Variants in RAPGEF6 observed in about 807,000 individuals in gnomAD.
The protein encoded by RAPGEF6 is Rap guanine nucleotide exchange factor 6, also known as PDZ domain containing guanine nucleotide exchange factor (GEF) 2.
Under a neutral mutation model 171.4 loss-of-function variants are expected in RAPGEF6, and 56 were observed. The ratio of observed to expected loss-of-function variants is 0.33; its 90% CI spans 0.26 to 0.41. RAPGEF6 has a LOEUF of 0.41. Among genes scored for constraint, RAPGEF6 ranks in the 10% least tolerant of loss-of-function variants. The probability of loss-of-function intolerance (pLI) is 1.00; values close to 1 mark genes in which losing one functional copy is unlikely to be tolerated. For synonymous variants in RAPGEF6, 692 were observed against 650.1 expected, an observed-to-expected ratio of 1.06 and a Z score of -0.98; for missense variants, 1,674 against 1,921.4, an observed-to-expected ratio of 0.87 and a Z score of 2.41.
chr5:131,618,023 A>C (rs1414997912), intron 1 of RAPGEF6, among the ~76,000 whole-genome samples: 1 of 152,166 alleles, frequency 6.6e-6, no homozygotes, highest in Non-Finnish European at 1.5e-5. Context: ...ACTAAAGGGG[A>C]CTGAAGTTCT....
chr5:131,480,816 T>C (rs573380570), intron 15 of RAPGEF6, among the ~76,000 whole-genome samples: 54 of 151,812 alleles, frequency 3.6e-4, no homozygotes, highest in Middle Eastern at 3.4e-3. Context: ...ATATATCGAT[T>C]CCTCACGGTC....
At chr5:131,577,577 A>T (rs1300484031) in intron 4 of RAPGEF6, among the ~76,000 whole-genome samples, 1 of 152,172 alleles carries the variant, frequency 6.6e-6, no homozygotes, top group Non-Finnish European at 1.5e-5. Flanking sequence ...ATTCCCAGCC[A>T]TATGAAGACA....
intron 1 of RAPGEF6, among the ~76,000 whole-genome samples, chr5:131,629,499 C>A (rs1241837511): frequency 1.3e-5 from 2 of 149,544 alleles, no homozygotes; most frequent in Non-Finnish European, 3.0e-5. Flanking sequence ...CCTGGGCTGG[C>A]TCCCAGCACT....
intron 3 of RAPGEF6, among the ~76,000 whole-genome samples, chr5:131,594,985 T>A (rs1763809701): frequency 6.6e-6 from 1 of 152,208 alleles, no homozygotes. Flanking sequence ...GGACTTGGAC[T>A]TTTAAGTTAA....
chr5:131,453,032 T>G (rs1753215058), intron 21 of RAPGEF6, 22 bp downstream of exon 21: 1 of 1,603,352 alleles, frequency 6.2e-7, no homozygotes, highest in East Asian at 2.2e-5. Flanking sequence ...CTCTAACACT[T>G]TTACATATTT....
intron 21 of RAPGEF6, among the ~76,000 whole-genome samples, chr5:131,447,920 A>C (rs1752825782): frequency 6.6e-6 from 1 of 152,258 alleles, no homozygotes; most frequent in East Asian, 1.9e-4. Context: ...CAGAGACCTC[A>C]AAACTTGCAG....
chr5:131,470,407 T>C (rs966503151), intron 17 of RAPGEF6, among the ~76,000 whole-genome samples: 1 of 152,216 alleles, frequency 6.6e-6, no homozygotes, highest in Non-Finnish European at 1.5e-5. Context: ...AACTTAATAA[T>C]TTCAACCTCT....
intron 1 of RAPGEF6, among the ~76,000 whole-genome samples, chr5:131,633,230 G>A (rs1156759579): frequency 2.0e-5 from 3 of 152,102 alleles, no homozygotes; most frequent in African/African-American, 7.2e-5. Flanking sequence ...TACTCGGGAG[G>A]GTGAGGCAGA....
intron 12 of RAPGEF6, among the ~76,000 whole-genome samples, chr5:131,496,978 T>C (rs776585583): frequency 6.7e-6 from 1 of 149,066 alleles, no homozygotes; most frequent in Non-Finnish European, 1.5e-5. Flanking sequence ...TCAATGTGTG[T>C]AGGGTGGGGG....
Position 131,506,019 on chromosome 5 carries a change from T to A in RAPGEF6, c.943-497A>T, listed in dbSNP as rs145164585. ...AAAAAAATAGATAGCTAATGATTATTTCAGAAAGACTAGTTAAAAGCCTGA... is the reference window on the plus strand; with the variant it reads ...AAAAAAATAGATAGCTAATGATTATATCAGAAAGACTAGTTAAAAGCCTGA... On this transcript the variant is annotated intron_variant, in intron 9 of 27. Transcript: ENST00000509018. Among the ~76,000 whole-genome samples, 129 of 152,364 alleles carry A rather than the reference T, an allele frequency of 8.5e-4. No individual in the cohort carries two copies. The East Asian group carries it at 8.9e-3, about 10-fold the overall frequency.
At chr5:131,530,754 G>T (rs1379435162) in intron 6 of RAPGEF6, among the ~76,000 whole-genome samples, 1 of 152,042 alleles carries the variant, frequency 6.6e-6, no homozygotes, top group Admixed American at 6.6e-5. Flanking sequence ...GTTAAATCTG[G>T]GATCAAAAGT....
chr5:131,627,461 T>C (rs1403424851), intron 1 of RAPGEF6, among the ~76,000 whole-genome samples: 1 of 152,236 alleles, frequency 6.6e-6, no homozygotes, highest in East Asian at 1.9e-4. Flanking sequence ...TTGTAAAATA[T>C]TTATTCATCA....
chr5:131,600,447 A>C (rs1764161534), intron 3 of RAPGEF6, among the ~76,000 whole-genome samples: 1 of 151,414 alleles, frequency 6.6e-6, no homozygotes, highest in Non-Finnish European at 1.5e-5. Context: ...GTATGAACCC[A>C]GGAGGCGGAG....
intron 19 of RAPGEF6, among the ~76,000 whole-genome samples, chr5:131,456,433 C>T (rs1227383249): frequency 6.6e-6 from 1 of 152,114 alleles, no homozygotes; most frequent in Admixed American, 6.6e-5. Flanking sequence ...TAATTCTGCA[C>T]CTTAGGAAGC....
intron 9 of RAPGEF6, among the ~76,000 whole-genome samples, 189 bp downstream of exon 9, chr5:131,507,882 A>T (rs1454981624): frequency 6.6e-6 from 1 of 152,232 alleles, no homozygotes; most frequent in African/African-American, 2.4e-5. Flanking sequence ...TAAATTTAAA[A>T]TTAGGGCAAA....
At chr5:131,469,017 T>C (rs533015206) in intron 17 of RAPGEF6, among the ~76,000 whole-genome samples, 1 of 152,298 alleles carries the variant, frequency 6.6e-6, no homozygotes. Flanking sequence ...CAGGTAAAGA[T>C]ACGTGAACAC....
chr5:131,620,000 C>T (rs1209985100), intron 1 of RAPGEF6, among the ~76,000 whole-genome samples: 1 of 152,172 alleles, frequency 6.6e-6, no homozygotes, highest in East Asian at 1.9e-4. Context: ...ATAAAGTTTT[C>T]ATAACAGCAA....
At chr5:131,459,659 T>C (rs950965664) in intron 19 of RAPGEF6, among the ~76,000 whole-genome samples, 2 of 152,226 alleles carry the variant, frequency 1.3e-5, no homozygotes, top group South Asian at 4.1e-4. Flanking sequence ...AAAGGAGTAC[T>C]TCATAGTTGT....
chr5:131,632,363 T>G (rs182932028), intron 1 of RAPGEF6, among the ~76,000 whole-genome samples: 111 of 152,272 alleles, frequency 7.3e-4, no homozygotes, highest in Middle Eastern at 3.4e-3. Flanking sequence ...ACCCCTATAG[T>G]TAATGCCATC....
Sources: gnomAD v4.1 joint callset for allele counts (sites outside exome capture counted in the v4.1 genomes callset) on GRCh38, gnomAD v4.1.1 for gene constraint, MANE v1.5 for transcripts, NCBI Gene and HGNC (gene_info 2026-07-23, HGNC 2026-07-21) for gene names.